The following PDXDC1 variants were observed in gnomAD, a reference collection of about 807,000 sequenced individuals.
PDXDC1 encodes the protein pyridoxal dependent decarboxylase domain containing 1.
A neutral mutation model predicts 100.1 loss-of-function variants in PDXDC1; 42 were observed. That is an observed-to-expected ratio of 0.42 (90% CI 0.33 to 0.54). The LOEUF (loss-of-function observed/expected upper bound fraction) is 0.54, where lower values mean the gene tolerates loss of function less well. PDXDC1 is among the 20% of genes least tolerant of loss of function. The pLI is 0.10. For synonymous variants in PDXDC1, 260 were observed against 371.7 expected, an observed-to-expected ratio of 0.70 and a Z score of 3.46; for missense variants, 636 against 979.2, an observed-to-expected ratio of 0.65 and a Z score of 4.68.
Position 15,035,496 on chromosome 16 carries a change from G to A in PDXDC1, c.2050G>A (p.Ala684Thr). The A allele has an allele frequency of 6.2e-6, 10 of 1,612,748 alleles. No homozygotes were observed. The highest frequency in any genetic ancestry group is 8.5e-6 in the Non-Finnish European group (10 of 1,179,658). Residue 684 changes from alanine to threonine, a missense_variant, in exon 22 of 23, where the codon GCA (alanine) becomes ACA (threonine). Transcript: ENST00000396410. Reference sequence around the variant, plus strand: ...CATATATGTCTACAAAGCACAAGGTGCAGGAGTCACGCTGCCTCCAACGCC... The same window carrying A: ...CATATATGTCTACAAAGCACAAGGTACAGGAGTCACGCTGCCTCCAACGCC... ...EPIYVYKAQG[A>T]GVTLPPTPSG...
chr16:15,142,878 C>T (rs1314218901), downstream of PDXDC1, among the ~76,000 whole-genome samples: 3 of 152,054 alleles, frequency 2.0e-5, no homozygotes, highest in African/African-American at 4.8e-5. Context: ...GCAGGACCAC[C>T]GAGCGGCCCT....
chr16:15,077,073 A>G (rs1597936040), intron 16 of PDXDC1, among the ~76,000 whole-genome samples: 1 of 149,028 alleles, frequency 6.7e-6, no homozygotes, highest in Admixed American at 6.8e-5. Flanking sequence ...TCCGCCCCCC[A>G]GGTTCAAGAG....
intron 16 of PDXDC1, among the ~76,000 whole-genome samples, chr16:15,081,334 A>G: frequency 6.6e-6 from 1 of 152,230 alleles, no homozygotes; most frequent in East Asian, 1.9e-4. Context: ...TTCTCACAGC[A>G]ACATATGACA....
At chr16:15,058,997 G>C (rs1482966441) in intron 16 of PDXDC1, among the ~76,000 whole-genome samples, 2 of 152,134 alleles carry the variant, frequency 1.3e-5, no homozygotes, top group African/African-American at 2.4e-5. Flanking sequence ...ACACACAAAA[G>C]CATTTGATGG....
chr16:15,124,343 A>T (rs535925381), intron 16 of PDXDC1, among the ~76,000 whole-genome samples: 586 of 152,258 alleles, frequency 3.8e-3, no homozygotes, highest in Non-Finnish European at 6.4e-3. Context: ...GCAGCTGAAA[A>T]CCACTGCTTT....
At chr16:15,079,941 G>A (rs544021796) in intron 16 of PDXDC1, 6 of 1,492,140 alleles carry the variant, frequency 4.0e-6, no homozygotes, top group African/African-American at 2.8e-5. Flanking sequence ...CACATACTGT[G>A]ATTATAACAA....
chr16:14,993,839 C>T (rs575727378), intron 1 of PDXDC1, among the ~76,000 whole-genome samples: 1 of 152,418 alleles, frequency 6.6e-6, no homozygotes, highest in African/African-American at 2.4e-5. Context: ...GCCATTCTAA[C>T]TGGTGTGAGA....
At chr16:15,005,216 G>A (rs549673484) in intron 5 of PDXDC1, among the ~76,000 whole-genome samples, 31 of 152,282 alleles carry the variant, frequency 2.0e-4, no homozygotes, top group East Asian at 7.7e-4. Flanking sequence ...AAAATTAGCC[G>A]GGCGTGGTAG....
chr16:15,026,970 T>C (rs1335800354), intron 14 of PDXDC1, among the ~76,000 whole-genome samples: 2 of 152,262 alleles, frequency 1.3e-5, no homozygotes, highest in Non-Finnish European at 2.9e-5. Context: ...TGCTTGAACA[T>C]AAAGATTTGT....
intron 16 of PDXDC1, among the ~76,000 whole-genome samples, chr16:15,101,305 C>T (rs1313710213): frequency 4.6e-5 from 7 of 152,132 alleles, no homozygotes; most frequent in African/African-American, 9.7e-5. Flanking sequence ...CAGATAGGCA[C>T]GGTCTTTTTT....
downstream of PDXDC1, among the ~76,000 whole-genome samples, chr16:15,140,919 G>A (rs1234510795): frequency 6.6e-6 from 1 of 151,790 alleles, no homozygotes. Context: ...TACTTCCCCA[G>A]GTGTCACCCT....
chr16:15,075,322 C>T (rs1172454314), intron 16 of PDXDC1, among the ~76,000 whole-genome samples: 2 of 151,456 alleles, frequency 1.3e-5, no homozygotes, highest in Non-Finnish European at 2.9e-5. Context: ...CTATAATTAC[C>T]AACACTTTGG....
chr16:15,044,314 G>GAAA, intron 16 of PDXDC1: 1 of 1,435,122 alleles, frequency 7.0e-7, no homozygotes, highest in Non-Finnish European at 9.6e-7. Flanking sequence ...TTGGGGGAAA[G>GAAA]AAAAAAAAAA....
intron 16 of PDXDC1, among the ~76,000 whole-genome samples, chr16:15,089,553 C>T (rs1337816724): frequency 6.6e-6 from 1 of 152,144 alleles, no homozygotes; most frequent in Non-Finnish European, 1.5e-5. Flanking sequence ...CTAATCCCAG[C>T]ACTTTGGGAG....
downstream of PDXDC1, among the ~76,000 whole-genome samples, chr16:15,143,609 G>A (rs2048508014): frequency 6.6e-6 from 1 of 152,218 alleles, no homozygotes; most frequent in Non-Finnish European, 1.5e-5. Context: ...GCCTGAGGCT[G>A]GCAGGGCCCG....
At position 15,136,179 on chromosome 16, in the gene PDXDC1, C is replaced by A; in HGVS notation, c.1400-2700C>A. On this transcript the variant is annotated intron_variant, in intron 16 of 16. Coordinates refer to the PDXDC1 transcript ENST00000535621. ...AGGGGGCTCAGGGCACTCCTCCATC[C>A]TCCCACCCTCACAGCAGCCCGCTGG... 5.9e-6 allele frequency: 5 copies of A among 851,818 alleles called. No individual in the cohort carries two copies. In the South Asian group the frequency reaches 7.7e-5, roughly 13 times the overall value. The allele number at this position is 851,818 out of a possible 1,614,324, so 52.8% of individuals were successfully genotyped here. A position where few individuals can be genotyped will look rare whatever the true frequency, so the allele number is the denominator to read the frequency against.
intron 1 of PDXDC1, chr16:14,988,995 A>G: frequency 6.2e-7 from 1 of 1,614,230 alleles, no homozygotes; most frequent in Non-Finnish European, 8.5e-7. Context: ...CGTCGACTCC[A>G]TCTGGTCTCG....
intron 16 of PDXDC1, chr16:15,125,420 C>G: frequency 1.2e-6 from 1 of 820,812 alleles, no homozygotes; most frequent in Admixed American, 1.8e-5. Flanking sequence ...GGCTTCCGAG[C>G]AAACCTGCTC....
chr16:14,997,604 G>A (rs1972260883), intron 1 of PDXDC1, 149 bp from the exon 2 acceptor site: 1 of 940,836 alleles, frequency 1.1e-6, no homozygotes, highest in African/African-American at 1.7e-5. Context: ...TACTTTTTCT[G>A]TTATACTTTT....
Sources: allele counts gnomAD v4.1 joint callset (sites outside exome capture counted in the v4.1 genomes callset), GRCh38; gene constraint gnomAD v4.1.1; transcripts MANE v1.5; gene names NCBI Gene and HGNC (gene_info 2026-07-23, HGNC 2026-07-21).